The following PALLD variants were observed in gnomAD, a reference collection of about 807,000 sequenced individuals.
PALLD encodes palladin, cytoskeletal associated protein.
In PALLD, 61 loss-of-function variants were observed where a neutral mutation model predicts 123.5. That is an observed-to-expected ratio of 0.49 (90% CI 0.40 to 0.61). The LOEUF is 0.61. Among genes scored for constraint, PALLD ranks in the 20% least tolerant of loss-of-function variants. PALLD has a pLI of 0.00. For missense variants in PALLD, 1,273 were observed against 1,377.0 expected, an observed-to-expected ratio of 0.92 and a Z score of 1.20; for synonymous variants, 465 against 496.4, an observed-to-expected ratio of 0.94 and a Z score of 0.84.
chr4:168,864,823 T>C (rs1183548782), intron 10 of PALLD, among the ~76,000 whole-genome samples: 1 of 152,240 alleles, frequency 6.6e-6, no homozygotes, highest in African/African-American at 2.4e-5. Flanking sequence ...TTTTGCAGCA[T>C]TTTTATTGTA....
intron 10 of PALLD, among the ~76,000 whole-genome samples, chr4:168,801,696 A>G (rs1417369179): frequency 6.6e-6 from 1 of 152,242 alleles, no homozygotes; most frequent in Non-Finnish European, 1.5e-5. Context: ...CTAAGAATCC[A>G]CACCCAAGTA....
intron 15 of PALLD, among the ~76,000 whole-genome samples, chr4:168,904,944 T>C (rs1230604937): frequency 6.6e-6 from 1 of 151,746 alleles, no homozygotes; most frequent in East Asian, 2.0e-4. Context: ...CTGGCCAACA[T>C]GGCGAAACCC....
At position 168,600,148 on chromosome 4, in the gene PALLD, C is replaced by T. The variant is rs116231428; in HGVS notation, c.909-68042C>T. Among the ~76,000 whole-genome samples, 849 of 150,218 alleles carry T rather than the reference C, an allele frequency of 5.7e-3. 11 individuals carry two copies. The highest frequency in any genetic ancestry group is 0.017 in the Middle Eastern group (5 of 294). ...GTGTATACACACATATATACATATA[C>T]ACTATATAAACTGTGTTTGTGTGTG... On this transcript the variant is annotated intron_variant, in intron 2 of 21. Transcript: ENST00000505667.
At chr4:168,505,057 AGT>A (rs1482048345) in intron 1 of PALLD, 1 of 152,136 alleles carries the variant, frequency 6.6e-6, no homozygotes, top group Non-Finnish European at 1.5e-5. Context: ...TTCATTTTGG[AGT>A]GCTGACTGAC....
chr4:168,772,783 GAATAAAAGTATT>G (rs1412481805), intron 10 of PALLD, among the ~76,000 whole-genome samples: 2 of 151,826 alleles, frequency 1.3e-5, no homozygotes, highest in African/African-American at 2.4e-5. Context: ...CTGAATGAAT[GAATAAAAGTATT>G]ACTGCAAAGA....
chr4:168,663,384 G>A (rs1465615674), intron 2 of PALLD, among the ~76,000 whole-genome samples: 1 of 152,186 alleles, frequency 6.6e-6, no homozygotes, highest in African/African-American at 2.4e-5. Context: ...GGCAAGGTAC[G>A]CAGGGTTAGA....
At chr4:168,501,929 T>C (rs1761448595) in intron 1 of PALLD, among the ~76,000 whole-genome samples, 1 of 148,692 alleles carries the variant, frequency 6.7e-6, no homozygotes, top group Non-Finnish European at 1.5e-5. Context: ...AATAAAAGCA[T>C]AGTACAATTG....
intron 2 of PALLD, among the ~76,000 whole-genome samples, chr4:168,615,186 C>T (rs1180662456): frequency 6.6e-6 from 1 of 151,230 alleles, no homozygotes; most frequent in Non-Finnish European, 1.5e-5. Flanking sequence ...CTTTATAAAG[C>T]ATTACATTAA....
At chr4:168,743,833 A>G (rs897757380) in intron 10 of PALLD, among the ~76,000 whole-genome samples, 10 of 152,156 alleles carry the variant, frequency 6.6e-5, no homozygotes, top group African/African-American at 2.4e-4. Flanking sequence ...CCTTCAGGAG[A>G]CCGCCATGTA....
rs1203893525 is a variant in PALLD at position 168,872,701 on chromosome 4, T to C, written c.1965-18221T>C. On this transcript the variant is annotated intron_variant, in intron 10 of 21. Transcript: ENST00000505667. The stretch of plus-strand genomic sequence containing the variant: ...CCTTACTGTGTAAATAAATGATCAT[T>C]CTTAAGATTGGGATTTATATACCTT... 2.7e-5 allele frequency among the ~76,000 whole-genome samples: 4 copies of C among 150,244 alleles called. No individual in the cohort carries two copies. In the East Asian group the frequency reaches 8.5e-4, roughly 32 times the overall value.
chr4:168,745,350 C>T (rs1469467520), intron 10 of PALLD, among the ~76,000 whole-genome samples: 1 of 148,480 alleles, frequency 6.7e-6, no homozygotes, highest in Non-Finnish European at 1.5e-5. Context: ...GTCGTTAATA[C>T]TTCATTGGGT....
intron 10 of PALLD, among the ~76,000 whole-genome samples, chr4:168,854,995 T>G (rs1340116557): frequency 3.6e-4 from 55 of 151,962 alleles, no homozygotes; most frequent in Non-Finnish European, 5.9e-5. Flanking sequence ...CTGATATTTG[T>G]GGGAAGGAGG....
chr4:168,881,104 C>T (rs1052334199), intron 10 of PALLD, among the ~76,000 whole-genome samples: 2 of 152,094 alleles, frequency 1.3e-5, no homozygotes, highest in Non-Finnish European at 2.9e-5. Context: ...GGGGTTTCAC[C>T]ATGATGGCCA....
intron 2 of PALLD, among the ~76,000 whole-genome samples, chr4:168,544,991 G>C (rs1009029421): frequency 2.6e-5 from 4 of 152,166 alleles, no homozygotes; most frequent in Non-Finnish European, 4.4e-5. Flanking sequence ...CAGGACAGAT[G>C]CAGGTCTGAT....
intron 10 of PALLD, among the ~76,000 whole-genome samples, chr4:168,775,684 A>G (rs1293373014): frequency 6.6e-6 from 1 of 152,196 alleles, no homozygotes; most frequent in African/African-American, 2.4e-5. Context: ...GTTTAGACCT[A>G]TGATCTATTT....
At chr4:168,499,278 G>C (rs1465175312) in intron 1 of PALLD, among the ~76,000 whole-genome samples, 1 of 63,872 alleles carries the variant, frequency 1.6e-5, no homozygotes, top group East Asian at 3.6e-4. Context: ...GAGGATGGGA[G>C]GGAGGATGGG....
intron 10 of PALLD, among the ~76,000 whole-genome samples, chr4:168,814,251 G>C (rs1741597698): frequency 6.6e-6 from 1 of 152,136 alleles, no homozygotes; most frequent in South Asian, 2.1e-4. Flanking sequence ...AGAACCAACT[G>C]TCCTGAAAGT....
chr4:168,763,139 T>C (rs1314460898), intron 10 of PALLD, among the ~76,000 whole-genome samples: 1 of 152,194 alleles, frequency 6.6e-6, no homozygotes, highest in Non-Finnish European at 1.5e-5. Flanking sequence ...ACGTGGACAT[T>C]CTGCACGTGT....
At chr4:168,877,676 C>T (rs1751938165) in intron 10 of PALLD, 54 of 994,226 alleles carry the variant, frequency 5.4e-5, no homozygotes, top group Non-Finnish European at 6.4e-5. Context: ...AATACACGTT[C>T]CTGGCCGTTC....
Sources: allele counts gnomAD v4.1 joint callset (sites outside exome capture counted in the v4.1 genomes callset), GRCh38; gene constraint gnomAD v4.1.1; transcripts MANE v1.5; gene names NCBI Gene and HGNC (gene_info 2026-07-23, HGNC 2026-07-21).